SGIP1: variants seen among roughly 807,000 people sequenced by gnomAD.
The protein encoded by SGIP1 is SH3-containing GRB2-like protein 3-interacting protein 1.
Under a neutral mutation model 107.5 loss-of-function variants are expected in SGIP1, and 38 were observed. That is an observed-to-expected ratio of 0.35 (90% CI 0.27 to 0.46). SGIP1 has a LOEUF of 0.46. Ranked by LOEUF, SGIP1 falls within the 20% of genes least tolerant of loss-of-function variation. The probability of loss-of-function intolerance (pLI) is 1.00; values close to 1 mark genes in which losing one functional copy is unlikely to be tolerated. For missense variants in SGIP1, 929 were observed against 1,019.5 expected (o/e 0.91, Z 1.21); for synonymous variants, 365 against 366.1 (o/e 1.00, Z 0.03).
chr1:66,617,742 C>T (rs1452351643), intron 1 of SGIP1, among the ~76,000 whole-genome samples: 2 of 152,130 alleles, frequency 1.3e-5, no homozygotes, highest in African/African-American at 2.4e-5. Flanking sequence ...TTTATGTTCA[C>T]TGGGCAGTAT....
intron 1 of SGIP1, among the ~76,000 whole-genome samples, chr1:66,553,308 G>A (rs985550076): frequency 1.3e-5 from 2 of 152,084 alleles, no homozygotes; most frequent in Non-Finnish European, 2.9e-5. Flanking sequence ...TTTTCATGAA[G>A]CATTTAATTT....
intron 19 of SGIP1, among the ~76,000 whole-genome samples, chr1:66,728,458 T>C (rs934574387): frequency 6.6e-6 from 1 of 152,222 alleles, no homozygotes; most frequent in Non-Finnish European, 1.5e-5. Flanking sequence ...AAATAAGTGC[T>C]GACCATTGAG....
At chr1:66,566,983 T>C (rs1214864582) in intron 1 of SGIP1, among the ~76,000 whole-genome samples, 1 of 152,058 alleles carries the variant, frequency 6.6e-6, no homozygotes. Context: ...GTTCCTGTGT[T>C]AGTTTGCTGA....
intron 8 of SGIP1, among the ~76,000 whole-genome samples, chr1:66,665,674 G>T (rs1490080358): frequency 6.6e-6 from 1 of 152,204 alleles, no homozygotes; most frequent in Non-Finnish European, 1.5e-5. Context: ...TAACTGGTGT[G>T]AGATGATATC....
chr1:66,668,892 AAGGG>A (rs2083172383), intron 9 of SGIP1, among the ~76,000 whole-genome samples: 1 of 152,340 alleles, frequency 6.6e-6, no homozygotes, highest in Admixed American at 6.5e-5. Context: ...TCGCTTGACA[AAGGG>A]AGGTTTTTGA....
At chr1:66,573,906 A>T (rs1005675114) in intron 1 of SGIP1, among the ~76,000 whole-genome samples, 3 of 152,160 alleles carry the variant, frequency 2.0e-5, no homozygotes, top group Admixed American at 1.3e-4. Flanking sequence ...CCCTAAATGT[A>T]AAATAAAAGC....
intron 7 of SGIP1, among the ~76,000 whole-genome samples, chr1:66,658,872 G>A (rs1017184289): frequency 6.6e-6 from 1 of 152,164 alleles, no homozygotes; most frequent in Non-Finnish European, 1.5e-5. Context: ...AGGCGAATCT[G>A]GGAAAGGTCT....
rs1234730748 is a variant in SGIP1, at chr1:66,748,543, A to T, written c.*5448A>T. On this transcript the variant is annotated 3_prime_UTR_variant, in exon 25 of 25. Coordinates refer to ENST00000371037, the MANE Select transcript of SGIP1 (RefSeq NM_032291.4). ...TGTTGGCATTGACCATGGGTATAAT[A>T]ATTTATTCTCTAGGTTTAACTTCTA... Among the ~76,000 whole-genome samples, 1 of 151,920 alleles carries T rather than the reference A, an allele frequency of 6.6e-6. No individual in the cohort carries two copies. The highest frequency in any genetic ancestry group is 1.5e-5 in the Non-Finnish European group (1 of 67,844).
chr1:66,642,424 G>C (rs1272641215), intron 5 of SGIP1, among the ~76,000 whole-genome samples: 1 of 152,128 alleles, frequency 6.6e-6, no homozygotes. Flanking sequence ...TCTAACACAG[G>C]TGTTTTGTGT....
intron 15 of SGIP1, among the ~76,000 whole-genome samples, chr1:66,683,527 C>T (rs545367946): frequency 1.3e-5 from 2 of 152,096 alleles, no homozygotes; most frequent in Non-Finnish European, 2.9e-5. Context: ...CACACAAAAC[C>T]AGTGCTTTAT....
intron 8 of SGIP1, among the ~76,000 whole-genome samples, chr1:66,663,850 T>G (rs114134534): frequency 0.012 from 1,775 of 152,330 alleles, 47 homozygotes; most frequent in African/African-American, 0.04. Context: ...TTTGGGTGGA[T>G]TAATATATTT....
At chr1:66,662,704 A>G (rs372405229) in intron 8 of SGIP1, among the ~76,000 whole-genome samples, 4 of 152,232 alleles carry the variant, frequency 2.6e-5, no homozygotes, top group East Asian at 3.8e-4. Flanking sequence ...TAGTTTCAAC[A>G]TATAAAATAA....
chr1:66,582,843 T>G (rs1227353988), intron 1 of SGIP1, among the ~76,000 whole-genome samples: 2 of 151,852 alleles, frequency 1.3e-5, no homozygotes, highest in African/African-American at 4.8e-5. Flanking sequence ...AGCCCCAGAT[T>G]CTCATTCTTA....
chr1:66,662,581 T>C (rs562085448), intron 8 of SGIP1, among the ~76,000 whole-genome samples: 1 of 152,292 alleles, frequency 6.6e-6, no homozygotes, highest in East Asian at 1.9e-4. Context: ...GTGTTTTCTT[T>C]TAGGTAGACA....
chr1:66,625,382 T>C (rs543448443), intron 1 of SGIP1, among the ~76,000 whole-genome samples: 1 of 152,212 alleles, frequency 6.6e-6, no homozygotes, highest in Non-Finnish European at 1.5e-5. Flanking sequence ...CAGTAAAAGA[T>C]AAGATGGGAA....
At chr1:66,710,649 C>G (rs1475053017) in intron 18 of SGIP1, among the ~76,000 whole-genome samples, 1 of 152,170 alleles carries the variant, frequency 6.6e-6, no homozygotes, top group Non-Finnish European at 1.5e-5. Flanking sequence ...CCATAAACAT[C>G]TGGTCATATA....
At chr1:66,683,189 C>T (rs566936077) in intron 15 of SGIP1, among the ~76,000 whole-genome samples, 1 of 152,222 alleles carries the variant, frequency 6.6e-6, no homozygotes, top group South Asian at 2.1e-4. Flanking sequence ...TCAATATTTT[C>T]AAATGCATCT....
chr1:66,637,455 TTGTGTGTG>T (rs879668501), intron 4 of SGIP1, among the ~76,000 whole-genome samples: 7 of 38,458 alleles, frequency 1.8e-4, no homozygotes, highest in African/African-American at 7.1e-4. Flanking sequence ...GTGTGTGTGT[TTGTGTGTG>T]TGTGTGTGTG....
intron 19 of SGIP1, among the ~76,000 whole-genome samples, chr1:66,728,708 G>A (rs2093872610): frequency 6.6e-6 from 1 of 152,000 alleles, no homozygotes; most frequent in Non-Finnish European, 1.5e-5. Context: ...AACCTAAACG[G>A]CCATCAATGA....
Sources: allele counts gnomAD v4.1 joint callset (sites outside exome capture counted in the v4.1 genomes callset), GRCh38; gene constraint gnomAD v4.1.1; transcripts MANE v1.5; gene names NCBI Gene and HGNC (gene_info 2026-07-23, HGNC 2026-07-21).